Variants in CCND1 observed in about 807,000 individuals in gnomAD.
The protein encoded by CCND1 is G1/S-specific cyclin-D1.
In CCND1, 9 loss-of-function variants were observed where a neutral mutation model predicts 26.1. That is an observed-to-expected ratio of 0.35 (90% confidence interval 0.21 to 0.60). The LOEUF (loss-of-function observed/expected upper bound fraction) is 0.60. CCND1 is among the 20% of genes least tolerant of loss of function. CCND1 has a pLI of 0.79. For synonymous variants in CCND1, 194 were observed against 166.1 expected (o/e 1.17, Z -1.29); for missense variants, 335 against 392.9 (o/e 0.85, Z 1.25).
rs1355445394 is a variant in CCND1, at chr11:69,651,398, A to G, written c.*116A>G. 1.1e-6 allele frequency: 1 copy of G among 887,562 alleles called. No individual in the cohort carries two copies. Among genetic ancestry groups the G allele is most frequent in the Non-Finnish European group, 1.6e-6 (1 of 637,354 alleles). The allele number at this position is 887,562 out of a possible 1,614,324, so 55.0% of individuals were successfully genotyped here. A position where few individuals can be genotyped will look rare whatever the true frequency, so the allele number is the denominator to read the frequency against. On this transcript the variant is annotated 3_prime_UTR_variant, in exon 5 of 5. Coordinates refer to ENST00000227507, the MANE Select transcript of CCND1 (RefSeq NM_053056.3). Reference sequence around the variant, plus strand: ...TTTTGATACCAGAAGGGAAAGCTTCATTCTCCTTGTTGTTGGTTGTTTTTT... The same window carrying G: ...TTTTGATACCAGAAGGGAAAGCTTCGTTCTCCTTGTTGTTGGTTGTTTTTT...
At chr11:69,646,576 G>A (rs929317336) in intron 3 of CCND1, among the ~76,000 whole-genome samples, 1 of 152,152 alleles carries the variant, frequency 6.6e-6, no homozygotes, top group Non-Finnish European at 1.5e-5. Context: ...CGATGGGGCC[G>A]ACAAAGATGC....
rs961724240 is a variant in CCND1 at position 69,653,795 on chromosome 11, T to C, written c.*2513T>C. 3 of 294,724 alleles carry C rather than the reference T, an allele frequency of 1.0e-5. No individual in the cohort carries two copies. The highest frequency in any genetic ancestry group is 9.6e-4 in the Middle Eastern group (1 of 1,042). 18.3% of individuals were successfully genotyped at this position (294,724 alleles called of 1,614,324 possible). On this transcript the variant is annotated 3_prime_UTR_variant, in exon 5 of 5. Transcript: ENST00000227507. ...TTATTATTATTATTATTATAACAAG[T>C]GTGTCTTACGTGCCACCACGGCGTT...
chr11:69,642,649 C>A lies in CCND1; in HGVS notation c.199-382C>A, dbSNP rs573702325. Among the ~76,000 whole-genome samples, 328 of 152,228 alleles carry A rather than the reference C, an allele frequency of 2.2e-3. 2 individuals are homozygous for A. The highest frequency in any genetic ancestry group is 7.6e-3 in the African/African-American group (316 of 41,546). ...ACGCCACCTTTGTGTCTCGCAGGCG[C>A]GGCGCCCAACCCCGCGGCCCGTTCC... On this transcript the variant is annotated intron_variant, in intron 1 of 4. Coordinates refer to ENST00000227507, the MANE Select transcript of CCND1 (RefSeq NM_053056.3).
intron 1 of CCND1, among the ~76,000 whole-genome samples, chr11:69,642,403 G>C (rs1469094202): frequency 8.5e-5 from 13 of 152,082 alleles, no homozygotes; most frequent in Non-Finnish European, 1.9e-4. Flanking sequence ...GCCCTTGCGA[G>C]AGGGAAACGC....
At chr11:69,648,389 A>G (rs1855812809) in intron 4 of CCND1, 1 of 541,692 alleles carries the variant, frequency 1.8e-6, no homozygotes, top group African/African-American at 1.9e-5. Context: ...CAGGAGCCGT[A>G]GAGTTTCTGG....
Position 69,643,297 on chromosome 11 carries a change from C to T in CCND1, c.414+51C>T. On this transcript the variant is annotated intron_variant, in intron 2 of 4. Transcript: ENST00000227507. ...CGCCCCCCGCGAGCCGCACGCAGGA[C>T]CACGGGGCCGGGGAAGGTGCAGGCG... The T allele has an allele frequency of 5.6e-6, 8 of 1,435,926 alleles. No homozygotes were observed. In the South Asian group the frequency reaches 7.4e-5, roughly 13 times the overall value. The allele number at this position is 1,435,926 out of a possible 1,614,324, so 88.9% of individuals were successfully genotyped here.
intron 2 of CCND1, chr11:69,643,595 G>A: frequency 4.1e-6 from 2 of 483,878 alleles, no homozygotes; most frequent in South Asian, 7.7e-5. Flanking sequence ...CACTTGCAGA[G>A]TCTTTTCACG....
intron 3 of CCND1, chr11:69,644,197 GC>G (rs1400650315): frequency 1.6e-6 from 1 of 609,326 alleles, no homozygotes. Flanking sequence ...CTCCCTCACG[GC>G]CACCATGCAG....
rs756198452 is a variant in CCND1, at chr11:69,654,200, G to C, written c.*2918G>C. The C allele has an allele frequency of 3.7e-5, 26 of 702,348 alleles. No homozygotes were observed. The highest frequency in any genetic ancestry group is 3.7e-4 in the South Asian group (25 of 67,596). The allele number at this position is 702,348 out of a possible 1,614,324, so 43.5% of individuals were successfully genotyped here. ...CGGCGTCTGTCTGAACCACGCGGGG[G>C]CCTTGAGGGACGCTTTGTCTGTCGT... On this transcript the variant is annotated 3_prime_UTR_variant, in exon 5 of 5. Transcript: ENST00000227507. This position sits in a 1 kb window ranked among gnomAD's most constrained non-coding sequence, Gnocchi z 6.3.
At chr11:69,647,785 A>G (rs908158944) in intron 3 of CCND1, among the ~76,000 whole-genome samples, 1 of 152,176 alleles carries the variant, frequency 6.6e-6, no homozygotes, top group Non-Finnish European at 1.5e-5. Context: ...CTGACGTTCC[A>G]GGAGGGTCCG....
intron 1 of CCND1, 55 bp downstream of exon 1, chr11:69,641,566 C>G: frequency 1.3e-6 from 2 of 1,560,158 alleles, no homozygotes; most frequent in Non-Finnish European, 1.8e-6. Context: ...TTGCCCAGAC[C>G]CACGTTTCTT....
At chr11:69,646,672 C>T (rs1333477034) in intron 3 of CCND1, among the ~76,000 whole-genome samples, 1 of 152,122 alleles carries the variant, frequency 6.6e-6, no homozygotes, top group Non-Finnish European at 1.5e-5. Flanking sequence ...CAAAAGGCTG[C>T]CCCCAGGCTC....
At chr11:69,650,638 C>T (rs3212889) in intron 4 of CCND1, among the ~76,000 whole-genome samples, 2 of 152,332 alleles carry the variant, frequency 1.3e-5, no homozygotes, top group Middle Eastern at 3.4e-3. Flanking sequence ...CAGTCATGCA[C>T]GGCCCAAGGC....
rs10640302 is a variant in CCND1, at chr11:69,652,779, TACAC to T, written c.*1519_*1522del. 0.032 allele frequency: 7,175 copies of T among 227,464 alleles called. 150 individuals are homozygous for T. The highest frequency in any genetic ancestry group is 0.083 in the South Asian group (450 of 5,396). The allele number at this position is 227,464 out of a possible 1,614,324, so 14.1% of individuals were successfully genotyped here. On this transcript the variant is annotated 3_prime_UTR_variant, in exon 5 of 5. Transcript: ENST00000227507. ...TCTCCCCTTGATTTAAACACACAGATACACACACACACACACACACACACAAACC... is the reference window on the plus strand; with the variant it reads ...TCTCCCCTTGATTTAAACACACAGATACACACACACACACACACACAAACC...
chr11:69,641,267 A>G lies in CCND1; in HGVS notation c.-47A>G. On this transcript the variant is annotated 5_prime_UTR_variant, in exon 1 of 5. Coordinates refer to ENST00000227507, the MANE Select transcript of CCND1 (RefSeq NM_053056.3). ...AGAAGCGAGAGCCGAGCGCGGACCC[A>G]GCCAGGACCCACAGCCCTCCCCAGC... The G allele has an allele frequency of 6.4e-7, 1 of 1,572,796 alleles. No individual in the cohort carries two copies. Among genetic ancestry groups the G allele is most frequent in the South Asian group, 1.1e-5 (1 of 90,368 alleles).
At position 69,653,183 on chromosome 11, in the gene CCND1, C is replaced by T. The variant is rs1855876972; in HGVS notation, c.*1901C>T. ...CGGGAGGAGGTGTGAGGAGGAGGCT[C>T]CCGAGGGGAAGGGGCGGTGCCCACA... is the stretch of plus-strand genomic sequence containing the variant. On this transcript the variant is annotated 3_prime_UTR_variant, in exon 5 of 5. Transcript: ENST00000227507. The T allele has an allele frequency of 1.5e-6, 1 of 659,940 alleles. No individual in the cohort carries two copies. Among genetic ancestry groups the T allele is most frequent in the Non-Finnish European group, 2.7e-6 (1 of 364,754 alleles). 40.9% of individuals were successfully genotyped at this position (659,940 alleles called of 1,614,324 possible). A position where few individuals can be genotyped will look rare whatever the true frequency, so the allele number is the denominator to read the frequency against.
chr11:69,648,823 A>G (rs747096649), intron 4 of CCND1, among the ~76,000 whole-genome samples: 6 of 151,392 alleles, frequency 4.0e-5, no homozygotes, highest in Non-Finnish European at 7.4e-5. Flanking sequence ...GTGGGCCTGC[A>G]AGACCCGTTT....
chr11:69,643,260 C>T lies in CCND1; in HGVS notation c.414+14C>T, dbSNP rs749956055. ...GAGGAGCTGCTGGTAACCACTGGAC[C>T]CCGCCGCCCCCCGCCCCCCGCGAGC... On this transcript the variant is annotated intron_variant, in intron 2 of 4. Coordinates refer to ENST00000227507, the MANE Select transcript of CCND1 (RefSeq NM_053056.3). 3 of 1,533,300 alleles carry T rather than the reference C, an allele frequency of 2.0e-6. No homozygotes were observed. Among genetic ancestry groups the T allele is most frequent in the East Asian group, 2.5e-5 (1 of 40,726 alleles). 95.0% of individuals were successfully genotyped at this position (1,533,300 alleles called of 1,614,324 possible). A position where few individuals can be genotyped will look rare whatever the true frequency, so the allele number is the denominator to read the frequency against.
intron 4 of CCND1, among the ~76,000 whole-genome samples, chr11:69,648,764 G>A (rs1429228319): frequency 6.6e-6 from 1 of 152,174 alleles, no homozygotes; most frequent in East Asian, 1.9e-4. Flanking sequence ...TCAGCCGCCG[G>A]CCCCGCGGTG....
Sources: allele counts gnomAD v4.1 joint callset (sites outside exome capture counted in the v4.1 genomes callset), GRCh38; gene constraint gnomAD v4.1.1; non-coding constraint Gnocchi (gnomAD v3.1); transcripts MANE v1.5; gene names NCBI Gene and HGNC (gene_info 2026-07-23, HGNC 2026-07-21).